TBL1XR1: variants seen among roughly 807,000 people sequenced by gnomAD.
The protein encoded by TBL1XR1 is F-box-like/WD repeat-containing protein TBL1XR1.
Under a neutral mutation model 66.9 loss-of-function variants are expected in TBL1XR1, and 5 were observed. That is an observed-to-expected ratio of 0.07 (90% CI 0.04 to 0.16). TBL1XR1 has a LOEUF of 0.16. Ranked by LOEUF, TBL1XR1 falls within the 10% of genes least tolerant of loss-of-function variation. The probability of loss-of-function intolerance (pLI) is 1.00; values close to 1 mark genes in which losing one functional copy is unlikely to be tolerated. For missense variants in TBL1XR1, 238 were observed against 623.2 expected (o/e 0.38, Z 6.58); for synonymous variants, 210 against 206.0 (o/e 1.02, Z -0.17).
chr3:177,148,610 G>C (rs1051348263), intron 1 of TBL1XR1, among the ~76,000 whole-genome samples: 2 of 152,136 alleles, frequency 1.3e-5, no homozygotes, highest in Admixed American at 1.3e-4. Flanking sequence ...ACCTACTCAG[G>C]AGGCTGAGGC....
chr3:177,035,144 T>C (rs1234574575), intron 12 of TBL1XR1, among the ~76,000 whole-genome samples: 1 of 152,126 alleles, frequency 6.6e-6, no homozygotes, highest in African/African-American at 2.4e-5. Context: ...CCAAGTAAAA[T>C]AAATCTGAAC....
intron 1 of TBL1XR1, among the ~76,000 whole-genome samples, chr3:177,191,184 C>T (rs1319072768): frequency 1.3e-5 from 2 of 152,134 alleles, no homozygotes; most frequent in African/African-American, 4.8e-5. Context: ...CAGACTGAAG[C>T]ATACAAATTC....
intron 14 of TBL1XR1, chr3:177,026,801 G>A (rs1031031740): frequency 2.0e-5 from 4 of 201,746 alleles, no homozygotes; most frequent in African/African-American, 9.3e-5. Flanking sequence ...ATAAGTTTTT[G>A]TTGTTGCTAA....
intron 2 of TBL1XR1, among the ~76,000 whole-genome samples, chr3:177,088,710 TA>T (rs141356787): frequency 2.7e-3 from 341 of 126,726 alleles, no homozygotes; most frequent in Middle Eastern, 4.1e-3. Flanking sequence ...TTCATTTGTT[TA>T]AAAAAAAAAA....
intron 1 of TBL1XR1, chr3:177,194,127 T>G (rs940672366): frequency 2.0e-5 from 3 of 152,230 alleles, no homozygotes; most frequent in Non-Finnish European, 4.4e-5. Context: ...CAGAGTCTTT[T>G]CTTTTTAACT....
At chr3:177,075,673 A>G (rs1163144223) in intron 2 of TBL1XR1, among the ~76,000 whole-genome samples, 2 of 152,182 alleles carry the variant, frequency 1.3e-5, no homozygotes, top group South Asian at 2.1e-4. Context: ...TAGCAGTTAG[A>G]CTACTCATTA....
At chr3:177,038,683 G>A (rs1297349468) in intron 10 of TBL1XR1, among the ~76,000 whole-genome samples, 1 of 152,192 alleles carries the variant, frequency 6.6e-6, no homozygotes, top group Admixed American at 6.5e-5. Context: ...TAGTAACTGG[G>A]AGATGAAGGT....
intron 1 of TBL1XR1, among the ~76,000 whole-genome samples, chr3:177,108,505 TAAC>T (rs1459979727): frequency 1.3e-5 from 2 of 152,186 alleles, no homozygotes; most frequent in South Asian, 2.1e-4. Context: ...GACAGCTTGA[TAAC>T]AAGTATGAAC....
At chr3:177,109,052 A>G (rs1725235996) in intron 1 of TBL1XR1, among the ~76,000 whole-genome samples, 1 of 152,204 alleles carries the variant, frequency 6.6e-6, no homozygotes, top group Admixed American at 6.5e-5. Flanking sequence ...GTTATTGTCA[A>G]ACATGTTTTC....
At chr3:177,122,696 A>G (rs1017056782) in intron 1 of TBL1XR1, among the ~76,000 whole-genome samples, 1 of 152,158 alleles carries the variant, frequency 6.6e-6, no homozygotes, top group Non-Finnish European at 1.5e-5. Flanking sequence ...AGGCAGTTGC[A>G]AAGAGCAACA....
chr3:177,036,765 G>T (rs545838053), intron 12 of TBL1XR1, among the ~76,000 whole-genome samples: 1 of 152,112 alleles, frequency 6.6e-6, no homozygotes, highest in Non-Finnish European at 1.5e-5. Context: ...CACAAGTTTC[G>T]CAAAGTTAAA....
intron 1 of TBL1XR1, among the ~76,000 whole-genome samples, chr3:177,122,489 A>G (rs1351576468): frequency 6.6e-6 from 1 of 152,162 alleles, no homozygotes; most frequent in Non-Finnish European, 1.5e-5. Context: ...TCTAACACAG[A>G]TGTCAAATTT....
In TBL1XR1 at chr3:177,179,117, CAAAA is replaced by C. The variant is rs71178099; in HGVS notation, c.-122+18000_-122+18003del. Reference sequence around the variant, plus strand: ...GGGCAACAAGAGCGAAACTACGTCTCAAAAAAAAAAAAAAAAAAAAAAAAGATAC... The same window carrying C: ...GGGCAACAAGAGCGAAACTACGTCTCAAAAAAAAAAAAAAAAAAAAGATAC... On this transcript the variant is annotated intron_variant, in intron 1 of 15. Transcript: ENST00000457928. Among the ~76,000 whole-genome samples the C allele has an allele frequency of 1.6e-3, 172 of 107,428 alleles. 1 individual carries two copies. The highest frequency in any genetic ancestry group is 7.1e-3 in the African/African-American group (166 of 23,432). The allele number at this position is 107,428 out of a possible 152,430, so 70.5% of individuals were successfully genotyped here. A position where few individuals can be genotyped will look rare whatever the true frequency, so the allele number is the denominator to read the frequency against.
intron 12 of TBL1XR1, among the ~76,000 whole-genome samples, chr3:177,034,927 C>T (rs1576984891): frequency 6.8e-6 from 1 of 147,220 alleles, no homozygotes; most frequent in African/African-American, 2.5e-5. Flanking sequence ...GAAATCAACA[C>T]GAAGAGTATT....
chr3:177,062,608 G>C (rs1718657031), intron 3 of TBL1XR1, among the ~76,000 whole-genome samples: 1 of 152,114 alleles, frequency 6.6e-6, no homozygotes, highest in Non-Finnish European at 1.5e-5. Context: ...TTTACCAAGG[G>C]ACTGATTTTC....
rs560905419 is a variant in TBL1XR1 at position 177,166,308 on chromosome 3, T to C, written c.-122+30813A>G. Among the ~76,000 whole-genome samples the C allele has an allele frequency of 2.0e-5, 3 of 152,240 alleles. No homozygotes were observed. In the South Asian group the frequency reaches 6.2e-4, roughly 32 times the overall value. On this transcript the variant is annotated intron_variant, in intron 1 of 15. Coordinates refer to ENST00000457928, the MANE Select transcript of TBL1XR1 (RefSeq NM_024665.7). ...TTAAAAACTCACCAATAGGGAAACA[T>C]ACAACCCTATTTTAAAAATAGGCCA... is the stretch of plus-strand genomic sequence containing the variant.
intron 1 of TBL1XR1, among the ~76,000 whole-genome samples, chr3:177,168,282 C>T: frequency 8.7e-6 from 1 of 115,248 alleles, no homozygotes; most frequent in Non-Finnish European, 2.0e-5. Context: ...CGGAAATAAA[C>T]CTTTTTTTTT....
At chr3:177,045,315 A>C (rs1394637591) in intron 10 of TBL1XR1, among the ~76,000 whole-genome samples, 1 of 152,170 alleles carries the variant, frequency 6.6e-6, no homozygotes, top group Non-Finnish European at 1.5e-5. Flanking sequence ...TAAATCAGGT[A>C]GTACTAAAAC....
At chr3:177,141,056 A>G (rs1233827723) in intron 1 of TBL1XR1, among the ~76,000 whole-genome samples, 1 of 152,232 alleles carries the variant, frequency 6.6e-6, no homozygotes, top group Non-Finnish European at 1.5e-5. Context: ...CTGGAAAAAG[A>G]AAATGTAAGG....
Sources: allele counts gnomAD v4.1 joint callset (sites outside exome capture counted in the v4.1 genomes callset), GRCh38; gene constraint gnomAD v4.1.1; transcripts MANE v1.5; gene names NCBI Gene and HGNC (gene_info 2026-07-23, HGNC 2026-07-21).